The following FAM200B variants were observed in gnomAD, a reference collection of about 807,000 sequenced individuals.
FAM200B encodes protein FAM200B.
Under a neutral mutation model 33.1 loss-of-function variants are expected in FAM200B, and 32 were observed. That is an observed-to-expected ratio of 0.97 (90% CI 0.73 to 1.30). The LOEUF is 1.30. Among genes scored for constraint, FAM200B ranks in the 50% most tolerant of loss-of-function variants. The probability of loss-of-function intolerance (pLI) is 0.00; values close to 1 mark genes in which losing one functional copy is unlikely to be tolerated. For missense variants in FAM200B, 741 were observed against 754.0 expected, an observed-to-expected ratio of 0.98 and a Z score of 0.20; for synonymous variants, 240 against 264.8, an observed-to-expected ratio of 0.91 and a Z score of 0.91.
At chr4:15,664,620 C>T in the FAM200B span, among the ~76,000 whole-genome samples, 8 of 126,434 alleles carry the variant, frequency 6.3e-5, no homozygotes, top group African/African-American at 2.1e-4. Context: ...TGCAATGGTA[C>T]GATCTCAGCT....
chr4:15,641,217 G>A, the FAM200B span, among the ~76,000 whole-genome samples: 1 of 151,888 alleles, frequency 6.6e-6, no homozygotes, highest in African/African-American at 2.4e-5. Flanking sequence ...AAGCCTAATG[G>A]ACTGTATCAT....
At chr4:15,655,236 T>C in the FAM200B span, 1 of 1,439,752 alleles carries the variant, frequency 6.9e-7, no homozygotes, top group Non-Finnish European at 9.3e-7. Flanking sequence ...AGCTGCTTCA[T>C]CCGCCAGTGT....
chr4:15,662,893 T>C, the FAM200B span, among the ~76,000 whole-genome samples: 1 of 152,234 alleles, frequency 6.6e-6, no homozygotes, highest in Non-Finnish European at 1.5e-5. Context: ...GCACAATTGT[T>C]ACTACCAGAT....
At chr4:15,666,111 T>C in the FAM200B span, among the ~76,000 whole-genome samples, 14 of 152,034 alleles carry the variant, frequency 9.2e-5, no homozygotes, top group African/African-American at 3.1e-4. Context: ...AAAATATGAA[T>C]TTTGGGACTG....
chr4:15,658,197 T>C, the FAM200B span, among the ~76,000 whole-genome samples: 1 of 152,246 alleles, frequency 6.6e-6, no homozygotes, highest in African/African-American at 2.4e-5. Context: ...GCACTTTCCC[T>C]AATAGGGGAT....
At chr4:15,644,763 TAAA>T in the FAM200B span, 35 of 1,284,538 alleles carry the variant, frequency 2.7e-5, no homozygotes, top group Non-Finnish European at 3.2e-5. Context: ...TATGCACAAA[TAAA>T]AAATATTCAA....
chr4:15,687,688 C>G lies in FAM200B; in HGVS notation c.711C>G (p.Ser237Arg), dbSNP rs1389317575. 3 of 1,551,216 alleles carry G rather than the reference C, an allele frequency of 1.9e-6. No individual in the cohort carries two copies. The highest frequency in any genetic ancestry group is 2.0e-5 in the Admixed American group (1 of 50,990). Residue 237 changes from serine to arginine, a missense_variant, in exon 2 of 2, where the codon AGC becomes AGG. By Grantham distance (110) the Ser-to-Arg change is moderately radical. Transcript: ENST00000422728. ...IQLDESTDIG[S>R]CTTLLVYVRY... ...TTGATGAAAGCACTGATATTGGAAGCTGCACAACACTTTTAGTTTATGTCA... is the reference window on the plus strand; with the variant it reads ...TTGATGAAAGCACTGATATTGGAAGGTGCACAACACTTTTAGTTTATGTCA...
the FAM200B span, chr4:15,655,081 G>T: frequency 5.9e-6 from 4 of 677,646 alleles, no homozygotes; most frequent in South Asian, 6.9e-5. Context: ...CTGCGCAGGC[G>T]GCTACTCGCG....
rs769585338 is a variant in FAM200B at position 15,688,110 on chromosome 4, C to T, written c.1133C>T (p.Thr378Ile). 6 of 1,551,080 alleles carry T rather than the reference C, an allele frequency of 3.9e-6. No individual in the cohort carries two copies. The highest frequency in any genetic ancestry group is 2.0e-5 in the Admixed American group (1 of 50,964). The change falls in exon 2 of 2, where the codon ACC (threonine) becomes ATC (isoleucine). Residue 378 changes from threonine (T) to isoleucine (I), a missense_variant. Transcript: ENST00000422728. The stretch of plus-strand genomic sequence containing the variant: ...TGTTCAGAGATTGGAACTAATCATA[C>T]CCACTTACTATATCATACCAAAATT... ...TFCSEIGTNH[T>I]HLLYHTKIRW...
the FAM200B span, among the ~76,000 whole-genome samples, chr4:15,652,102 T>C: frequency 6.6e-6 from 1 of 152,146 alleles, no homozygotes; most frequent in Non-Finnish European, 1.5e-5. Flanking sequence ...GAAACTCCAA[T>C]GCTCACTGAC....
chr4:15,689,926 A>G lies in FAM200B; in HGVS notation c.*975A>G, dbSNP rs1375053209. On this transcript the variant is annotated 3_prime_UTR_variant, in exon 2 of 2. Transcript: ENST00000422728. ...TTGTCATTCTGCCACCCTGGAGTAT[A>G]TAATTTTTAATTATCTGATTACTGT... is the stretch of plus-strand genomic sequence containing the variant. The G allele has an allele frequency of 6.0e-6, 1 of 167,112 alleles. No individual in the cohort carries two copies. Among genetic ancestry groups the G allele is most frequent in the Non-Finnish European group, 1.5e-5 (1 of 68,122 alleles). 10.4% of individuals were successfully genotyped at this position (167,112 alleles called of 1,614,324 possible).
At chr4:15,655,442 G>A in the FAM200B span, 8 of 973,382 alleles carry the variant, frequency 8.2e-6, no homozygotes, top group Non-Finnish European at 8.5e-6. Flanking sequence ...GCGGGGGCGC[G>A]CAGGCCGCCG....
At chr4:15,678,025 T>C (rs1403992521), upstream of FAM200B, among the ~76,000 whole-genome samples, 2 of 152,318 alleles carry the variant, frequency 1.3e-5, no homozygotes, top group Admixed American at 6.5e-5. Flanking sequence ...GGAATTGCTA[T>C]TGGAATGATG....
chr4:15,639,118 T>G, the FAM200B span, among the ~76,000 whole-genome samples: 1 of 152,188 alleles, frequency 6.6e-6, no homozygotes, highest in South Asian at 2.1e-4. Flanking sequence ...GAGCCGATAT[T>G]GCGCCATTGC....
At chr4:15,680,222 T>C (rs1718169966), upstream of FAM200B, among the ~76,000 whole-genome samples, 1 of 152,094 alleles carries the variant, frequency 6.6e-6, no homozygotes, top group South Asian at 2.1e-4. Flanking sequence ...ACCGGAAGGA[T>C]AAACAAGAAA....
At chr4:15,663,492 TCTTA>T in the FAM200B span, among the ~76,000 whole-genome samples, 1 of 152,186 alleles carries the variant, frequency 6.6e-6, no homozygotes, top group African/African-American at 2.4e-5. Flanking sequence ...TGGTCCACTT[TCTTA>T]CTTACTACCA....
At chr4:15,638,193 G>A in the FAM200B span, among the ~76,000 whole-genome samples, 1 of 152,166 alleles carries the variant, frequency 6.6e-6, no homozygotes, top group African/African-American at 2.4e-5. Flanking sequence ...CAACAATTTT[G>A]ACTGATCGAT....
the FAM200B span, chr4:15,655,321 G>T: frequency 2.9e-6 from 4 of 1,357,938 alleles, no homozygotes; most frequent in Non-Finnish European, 3.9e-6. Context: ...CAGCAGCCGC[G>T]GCCGCCGCCT....
the FAM200B span, among the ~76,000 whole-genome samples, chr4:15,650,732 T>C: frequency 2.8e-5 from 4 of 145,090 alleles, no homozygotes; most frequent in Non-Finnish European, 4.5e-5. Context: ...CAATCGCCAA[T>C]TCCAGCAATT....
Sources: gnomAD v4.1 joint callset for allele counts (sites outside exome capture counted in the v4.1 genomes callset) on GRCh38, gnomAD v4.1.1 for gene constraint, MANE v1.5 for transcripts, NCBI Gene and HGNC (gene_info 2026-07-23, HGNC 2026-07-21) for gene names.